The following TTC28 variants were observed in gnomAD, a reference collection of about 807,000 sequenced individuals.
The protein encoded by TTC28 is tetratricopeptide repeat domain 28.
Under a neutral mutation model 198.0 loss-of-function variants are expected in TTC28, and 61 were observed. The ratio of observed to expected loss-of-function variants is 0.31; its 90% CI spans 0.25 to 0.38. The LOEUF (loss-of-function observed/expected upper bound fraction) is 0.38, where lower values mean the gene tolerates loss of function less well. TTC28 is among the 10% of genes least tolerant of loss of function. TTC28 has a pLI of 1.00. For missense variants in TTC28, 2,678 were observed against 3,164.0 expected (o/e 0.85, Z 3.69); for synonymous variants, 1,171 against 1,297.8 (o/e 0.90, Z 2.10).
At chr22:28,174,199 C>T (rs1439593307) in intron 5 of TTC28, among the ~76,000 whole-genome samples, 1 of 152,184 alleles carries the variant, frequency 6.6e-6, no homozygotes, top group Non-Finnish European at 1.5e-5. Context: ...ATCTTTGAGA[C>T]TTAGTTTCCT....
chr22:28,188,440 TC>T (rs552109595), intron 5 of TTC28, among the ~76,000 whole-genome samples: 83 of 152,200 alleles, frequency 5.5e-4, no homozygotes, highest in Admixed American at 9.2e-4. Context: ...ACTAAGGGCT[TC>T]TGAAGTTCAG....
At chr22:28,099,789 G>A (rs548695764) in intron 9 of TTC28, among the ~76,000 whole-genome samples, 8 of 152,334 alleles carry the variant, frequency 5.3e-5, no homozygotes, top group Admixed American at 4.6e-4. Context: ...GGTGAGTAAG[G>A]ATGGGAGTGA....
chr22:28,099,831 G>C (rs146306434), intron 9 of TTC28, among the ~76,000 whole-genome samples: 212 of 152,294 alleles, frequency 1.4e-3, no homozygotes, highest in Admixed American at 2.5e-3. Context: ...CCCGGAAATG[G>C]ACGAGCCTGA....
At chr22:28,175,169 A>G (rs1468427106) in intron 5 of TTC28, among the ~76,000 whole-genome samples, 2 of 152,212 alleles carry the variant, frequency 1.3e-5, no homozygotes, top group African/African-American at 4.8e-5. Flanking sequence ...CTGCTAGAAG[A>G]AAACACTGAA....
rs138428638 is a variant in TTC28 at position 28,117,192 on chromosome 22, T to C, written c.1442-8789A>G. 6.2e-4 allele frequency among the ~76,000 whole-genome samples: 95 copies of C among 152,356 alleles called. No individual in the cohort carries two copies. The Middle Eastern group carries it at 0.014, about 22-fold the overall frequency. Reference sequence around the variant, plus strand: ...CTGTCTCATCAACTTGCAGAAGCTATGTATTGTATTCCAGATGGTACAGCT... The same window carrying C: ...CTGTCTCATCAACTTGCAGAAGCTACGTATTGTATTCCAGATGGTACAGCT... On this transcript the variant is annotated intron_variant, in intron 6 of 22. Coordinates refer to ENST00000397906, the MANE Select transcript of TTC28 (RefSeq NM_001145418.2).
At chr22:28,520,113 A>C (rs2048873703) in intron 2 of TTC28, among the ~76,000 whole-genome samples, 1 of 152,240 alleles carries the variant, frequency 6.6e-6, no homozygotes, top group South Asian at 2.1e-4. Flanking sequence ...GGGAAAAAAT[A>C]CTAGATGTGG....
At chr22:28,327,433 T>C (rs751388164) in intron 2 of TTC28, among the ~76,000 whole-genome samples, 43 of 152,198 alleles carry the variant, frequency 2.8e-4, no homozygotes, top group Non-Finnish European at 5.6e-4. Context: ...TATTCAGGCA[T>C]GAGTGATACT....
chr22:28,425,343 C>G (rs2047334314), intron 2 of TTC28, among the ~76,000 whole-genome samples: 1 of 152,164 alleles, frequency 6.6e-6, no homozygotes, highest in Non-Finnish European at 1.5e-5. Flanking sequence ...GAAACAAAAA[C>G]AAATATATTC....
At chr22:28,601,633 A>G (rs762561010) in intron 2 of TTC28, among the ~76,000 whole-genome samples, 1 of 152,160 alleles carries the variant, frequency 6.6e-6, no homozygotes. Flanking sequence ...TTTGGTAACC[A>G]TAGGAGGTCC....
At position 28,296,202 on chromosome 22, in the gene TTC28, C is replaced by T. The variant is rs547946482; in HGVS notation, c.929G>A (p.Arg310Gln). The stretch of plus-strand genomic sequence containing the variant: ...GTCTGCAGATAAACTTCCTACCTCT[C>T]GATCTTTGAGTTTCATGGCGAGTAC... ...QLVLAMKLKDREAASSALSSL... is the reference protein window; with the variant it reads ...QLVLAMKLKDQEAASSALSSL... Residue 310 changes from arginine to glutamine, a missense_variant, in exon 5 of 23, where the codon CGA becomes CAA. This residue lies in a region of TTC28 where 775 missense variants were observed against 845.9 expected (regional missense o/e 0.92). Transcript: ENST00000397906. 7.8e-6 allele frequency: 12 copies of T among 1,546,282 alleles called. No individual in the cohort carries two copies. In the Admixed American group the frequency reaches 1.8e-4, roughly 23 times the overall value.
Position 28,590,034 on chromosome 22 carries a change from CAAAAAAAAAAA to C in TTC28, c.381+39507_381+39517del, listed in dbSNP as rs71194779. On this transcript the variant is annotated intron_variant, in intron 2 of 22. Transcript: ENST00000397906. ...CCTGGGCAACAGAACAAGACTCCAT[CAAAAAAAAAAA>C]AAAAAAAAAAAAAAAAACACAGAAA... Among the ~76,000 whole-genome samples the C allele has an allele frequency of 2.4e-3, 163 of 68,056 alleles. 2 individuals carry two copies. The highest frequency in any genetic ancestry group is 5.9e-3 in the Middle Eastern group (1 of 170). 44.6% of individuals were successfully genotyped at this position (68,056 alleles called of 152,430 possible). A position where few individuals can be genotyped will look rare whatever the true frequency, so the allele number is the denominator to read the frequency against.
chr22:28,173,372 C>T (rs1165858756), intron 5 of TTC28, among the ~76,000 whole-genome samples: 1 of 152,168 alleles, frequency 6.6e-6, no homozygotes, highest in Non-Finnish European at 1.5e-5. Flanking sequence ...AAGGTTCATG[C>T]TGCCTTTGTA....
chr22:28,427,267 T>C (rs1392715308), intron 2 of TTC28, among the ~76,000 whole-genome samples: 2 of 152,244 alleles, frequency 1.3e-5, no homozygotes, highest in Non-Finnish European at 2.9e-5. Flanking sequence ...CTGCTATCAA[T>C]ATTTTTCTCT....
chr22:28,135,838 T>G (rs957702348), intron 6 of TTC28, among the ~76,000 whole-genome samples: 2 of 152,108 alleles, frequency 1.3e-5, no homozygotes, highest in Non-Finnish European at 2.9e-5. Context: ...GATCAAGAAA[T>G]CTTAGAAACA....
intron 12 of TTC28, among the ~76,000 whole-genome samples, chr22:28,043,444 T>C (rs552530396): frequency 1.3e-5 from 2 of 151,938 alleles, no homozygotes; most frequent in African/African-American, 2.4e-5. Context: ...GCTAGTTCTA[T>C]AGGCTGTGGG....
intron 1 of TTC28, among the ~76,000 whole-genome samples, chr22:28,672,832 A>T (rs1601683788): frequency 6.6e-6 from 1 of 152,226 alleles, no homozygotes; most frequent in East Asian, 1.9e-4. Context: ...CCACTACAGA[A>T]AAAACCCTTT....
intron 2 of TTC28, among the ~76,000 whole-genome samples, chr22:28,436,694 TAC>T (rs1372695624): frequency 6.6e-6 from 1 of 152,216 alleles, no homozygotes; most frequent in Non-Finnish European, 1.5e-5. Context: ...ACATTATAAC[TAC>T]AGAGTCACAC....
At chr22:28,032,262 TATATA>T (rs1939157243) in intron 12 of TTC28, among the ~76,000 whole-genome samples, 2 of 92,092 alleles carry the variant, frequency 2.2e-5, no homozygotes, top group African/African-American at 1.0e-4. Flanking sequence ...TATATATATA[TATATA>T]GTGTGTGTGT....
chr22:28,475,371 C>T (rs1360089159), intron 2 of TTC28, among the ~76,000 whole-genome samples: 3 of 151,944 alleles, frequency 2.0e-5, no homozygotes, highest in Non-Finnish European at 2.9e-5. Context: ...TTTTGACACA[C>T]CAATTAAACT....
Sources: gnomAD v4.1 joint callset for allele counts (sites outside exome capture counted in the v4.1 genomes callset) on GRCh38, gnomAD v4.1.1 for gene constraint, gnomAD v4.1.1 regional missense constraint, MANE v1.5 for transcripts, NCBI Gene and HGNC (gene_info 2026-07-23, HGNC 2026-07-21) for gene names.